GPATCH1: variants seen among roughly 807,000 people sequenced by gnomAD.
GPATCH1 encodes the protein G-patch domain containing 1.
In GPATCH1, 73 loss-of-function variants were observed where a neutral mutation model predicts 114.9. That is an observed-to-expected ratio of 0.64 (90% CI 0.53 to 0.77). GPATCH1 has a LOEUF of 0.77. GPATCH1 is among the 30% of genes least tolerant of loss of function. GPATCH1 has a pLI of 0.00. For missense variants in GPATCH1, 1,058 were observed against 1,144.3 expected (o/e 0.92, Z 1.09); for synonymous variants, 391 against 428.4 (o/e 0.91, Z 1.08).
chr19:33,112,481 T>C lies in GPATCH1; in HGVS notation c.1765-5T>C, dbSNP rs1368840787. On this transcript the variant is annotated splice_region_variant and splice_polypyrimidine_tract_variant and intron_variant, in intron 12 of 19. Coordinates refer to ENST00000170564, the MANE Select transcript of GPATCH1 (RefSeq NM_018025.3). The stretch of plus-strand genomic sequence containing the variant: ...TGATGGAACAGAATGCATGTCTTTT[T>C]CCAGAATGATGTCGGGGATAAGCAG... 1.2e-6 allele frequency: 2 copies of C among 1,613,888 alleles called. No homozygotes were observed. Among genetic ancestry groups the C allele is most frequent in the Admixed American group, 1.7e-5 (1 of 59,942 alleles).
chr19:33,106,568 C>T, intron 9 of GPATCH1, 127 bp from the exon 10 acceptor site: 1 of 715,162 alleles, frequency 1.4e-6, no homozygotes, highest in South Asian at 1.7e-5. Flanking sequence ...TCTTGTGCTA[C>T]CTGCCTGCTG....
chr19:33,106,139 G>T (rs10419291), intron 9 of GPATCH1, among the ~76,000 whole-genome samples: 1 of 152,102 alleles, frequency 6.6e-6, no homozygotes, highest in Admixed American at 6.6e-5. Flanking sequence ...ATGATCCACT[G>T]TTCCCGGCCC....
At chr19:33,117,373 T>C (rs2145334270) in intron 15 of GPATCH1, among the ~76,000 whole-genome samples, 1 of 152,266 alleles carries the variant, frequency 6.6e-6, no homozygotes, top group Admixed American at 6.5e-5. Context: ...GAATCTGAGT[T>C]TGGAAATAGA....
At chr19:33,096,499 T>C (rs1271964061) in intron 7 of GPATCH1, 53 bp downstream of exon 7, 12 of 1,406,408 alleles carry the variant, frequency 8.5e-6, no homozygotes, top group African/African-American at 1.5e-5. Context: ...ATGAGTCTAC[T>C]TTCTTTCTTT....
intron 18 of GPATCH1, 90 bp downstream of exon 18, chr19:33,125,292 G>A (rs948162848): frequency 5.0e-6 from 7 of 1,411,816 alleles, no homozygotes; most frequent in Non-Finnish European, 6.7e-6. Flanking sequence ...CTGAAGAGCG[G>A]ATCTGGTGGC....
Position 33,129,133 on chromosome 19 carries a change from G to C in GPATCH1, c.2766-997G>C, listed in dbSNP as rs1973075401. ...GTGGTGGCACGTGCCTGTAGTCCCA[G>C]CTACTCAGGAGGTGGAGGCAGGAGA... On this transcript the variant is annotated intron_variant, in intron 19 of 19. Coordinates refer to ENST00000170564, the MANE Select transcript of GPATCH1 (RefSeq NM_018025.3). Among the ~76,000 whole-genome samples the C allele has an allele frequency of 2.0e-5, 3 of 152,002 alleles. No individual in the cohort carries two copies. In the South Asian group the frequency reaches 6.2e-4, roughly 32 times the overall value.
At chr19:33,081,336 C>A in intron 1 of GPATCH1, 70 bp downstream of exon 1, 1 of 1,279,236 alleles carries the variant, frequency 7.8e-7, no homozygotes, top group Non-Finnish European at 1.1e-6. Flanking sequence ...GCCACAAAAG[C>A]ACAAGTCGGT....
Position 33,093,592 on chromosome 19 carries a change from A to T in GPATCH1, c.455+73A>T, listed in dbSNP as rs200549163. The T allele has an allele frequency of 2.8e-3, 3,839 of 1,369,148 alleles. 12 individuals carry two copies. Among genetic ancestry groups the T allele is most frequent in the Non-Finnish European group, 3.7e-3 (3,647 of 987,126 alleles). 84.8% of individuals were successfully genotyped at this position (1,369,148 alleles called of 1,614,324 possible). On this transcript the variant is annotated intron_variant, in intron 4 of 19. Coordinates refer to ENST00000170564, the MANE Select transcript of GPATCH1 (RefSeq NM_018025.3). ...ATATGTGTGATTCTCTTGCTGAGGG[A>T]TAGTTTGATTGCAAGTGAGACAAGC... is the stretch of plus-strand genomic sequence containing the variant.
In GPATCH1 at chr19:33,125,100, T is replaced by C; in HGVS notation, c.2522-5T>C. The C allele has an allele frequency of 6.3e-7, 1 of 1,593,782 alleles. No individual in the cohort carries two copies. The highest frequency in any genetic ancestry group is 1.7e-4 in the Middle Eastern group (1 of 6,040). On this transcript the variant is annotated splice_region_variant and splice_polypyrimidine_tract_variant and intron_variant, in intron 17 of 19. Transcript: ENST00000170564. ...GGTCCTGTGTTTATTACCTTTGTGT[T>C]TCAGATGCTCGTCAGACACTTGAGG...
chr19:33,112,822 A>G (rs1489251206), intron 13 of GPATCH1: 1 of 431,400 alleles, frequency 2.3e-6, no homozygotes, highest in African/African-American at 2.0e-5. Flanking sequence ...AGCAAACTTT[A>G]TTCCATATTG....
intron 7 of GPATCH1, among the ~76,000 whole-genome samples, 157 bp from the exon 8 acceptor site, chr19:33,097,598 T>C (rs1406988024): frequency 1.3e-5 from 2 of 152,132 alleles, no homozygotes; most frequent in Non-Finnish European, 2.9e-5. Flanking sequence ...AAAACTTGTG[T>C]GTGTGTTGGT....
At chr19:33,111,385 GAAAAAAAAA>G (rs10709432) in intron 11 of GPATCH1, among the ~76,000 whole-genome samples, 1 of 88,146 alleles carries the variant, frequency 1.1e-5, no homozygotes, top group Non-Finnish European at 2.3e-5. Context: ...CTCCATCTCA[GAAAAAAAAA>G]AAAAAAAAAA....
intron 1 of GPATCH1, among the ~76,000 whole-genome samples, chr19:33,083,827 T>G (rs1221419112): frequency 6.6e-6 from 1 of 152,090 alleles, no homozygotes; most frequent in Non-Finnish European, 1.5e-5. Flanking sequence ...AAGCACTTTT[T>G]TTTGAGAGTT....
At chr19:33,093,003 A>G (rs1338204032) in intron 3 of GPATCH1, among the ~76,000 whole-genome samples, 1 of 152,104 alleles carries the variant, frequency 6.6e-6, no homozygotes, top group Admixed American at 6.6e-5. Flanking sequence ...AGCCTGACCA[A>G]CATAGTGAAA....
Position 33,088,253 on chromosome 19 carries a change from G to A in GPATCH1, c.193G>A (p.Val65Ile), listed in dbSNP as rs1239702931. 3 of 1,597,902 alleles carry A rather than the reference G, an allele frequency of 1.9e-6. No homozygotes were observed. The African/African-American group carries it at 4.1e-5, about 22-fold the overall frequency. ...GGFSAGYFNT[V>I]GSKEGWTPST... Reference sequence around the variant, plus strand: ...TTTCTCTGCTGGATACTTCAATACTGTTGGCTCAAAAGAAGGTATCATTTT... The same window carrying A: ...TTTCTCTGCTGGATACTTCAATACTATTGGCTCAAAAGAAGGTATCATTTT... Residue 65 changes from valine (V) to isoleucine (I), a missense_variant, in exon 2 of 20, where the codon GTT (valine) becomes ATT (isoleucine). Val to Ile is a conservative substitution (Grantham distance 29, BLOSUM62 3). Transcript: ENST00000170564.
chr19:33,117,973 G>A lies in GPATCH1; in HGVS notation c.2345G>A (p.Gly782Asp), dbSNP rs745713449. The change falls in exon 16 of 20, where the codon GGC (glycine) becomes GAC (aspartate). Residue 782 changes from glycine to aspartate, a missense_variant. Physicochemically the swap from Gly to Asp is moderately conservative, Grantham distance 94. Coordinates refer to ENST00000170564, the MANE Select transcript of GPATCH1 (RefSeq NM_018025.3). The stretch of plus-strand genomic sequence containing the variant: ...GGTGACAGTGAAGATGATCAGGCAG[G>A]CTCTGGGGAGGCCAACTTCCAAAGC... ...EQGDSEDDQA[G>D]SGEANFQSSQ... 6.2e-7 allele frequency: 1 copy of A among 1,613,750 alleles called. No individual in the cohort carries two copies. Among genetic ancestry groups the A allele is most frequent in the African/African-American group, 1.3e-5 (1 of 74,822 alleles).
At chr19:33,119,939 T>G (rs1178230727) in intron 17 of GPATCH1, among the ~76,000 whole-genome samples, 4 of 144,928 alleles carry the variant, frequency 2.8e-5, no homozygotes, top group Admixed American at 7.0e-5. Context: ...TTATATATAT[T>G]TTTATATTTT....
chr19:33,090,536 A>G (rs981023617), intron 2 of GPATCH1, among the ~76,000 whole-genome samples: 27 of 152,072 alleles, frequency 1.8e-4, no homozygotes, highest in African/African-American at 5.3e-4. Context: ...GTGTAATTCT[A>G]TATCTCTTGG....
intron 1 of GPATCH1, among the ~76,000 whole-genome samples, chr19:33,082,121 G>A (rs1972484992): frequency 8.5e-6 from 1 of 118,154 alleles, no homozygotes; most frequent in Non-Finnish European, 1.8e-5. Flanking sequence ...GCATGGATGG[G>A]ACAGCAGTGG....
Sources: allele counts gnomAD v4.1 joint callset (sites outside exome capture counted in the v4.1 genomes callset), GRCh38; gene constraint gnomAD v4.1.1; transcripts MANE v1.5; gene names NCBI Gene and HGNC (gene_info 2026-07-23, HGNC 2026-07-21).